TRIM33: variants seen among roughly 807,000 people sequenced by gnomAD.
The protein encoded by TRIM33 is E3 ubiquitin-protein ligase TRIM33.
Under a neutral mutation model 125.4 loss-of-function variants are expected in TRIM33, and 20 were observed. That is an observed-to-expected ratio of 0.16 (90% CI 0.11 to 0.23). TRIM33 has a LOEUF of 0.23. Among genes scored for constraint, TRIM33 ranks in the 10% least tolerant of loss-of-function variants. The pLI is 1.00. For synonymous variants in TRIM33, 564 were observed against 513.9 expected (o/e 1.10, Z -1.32); for missense variants, 920 against 1,411.4 (o/e 0.65, Z 5.58).
At position 114,394,193 on chromosome 1, in the gene TRIM33, C is replaced by T. The variant is rs542318574; in HGVS notation, c.*3455G>A. On this transcript the variant is annotated 3_prime_UTR_variant, in exon 20 of 20. Coordinates refer to ENST00000358465, the MANE Select transcript of TRIM33 (RefSeq NM_015906.4). ...TTTTTTATAAAACTACTCACTGATCCGATGCTGAGTATGCAAATAAGCAGT... is the reference window on the plus strand; with the variant it reads ...TTTTTTATAAAACTACTCACTGATCTGATGCTGAGTATGCAAATAAGCAGT... The T allele has an allele frequency of 2.2e-5, 5 of 228,560 alleles. No homozygotes were observed. The highest frequency in any genetic ancestry group is 3.5e-5 in the Non-Finnish European group (4 of 115,064). 14.2% of individuals were successfully genotyped at this position (228,560 alleles called of 1,614,324 possible).
chr1:114,473,561 G>C (rs866648954), intron 1 of TRIM33, among the ~76,000 whole-genome samples: 1 of 152,096 alleles, frequency 6.6e-6, no homozygotes, highest in Non-Finnish European at 1.5e-5. Flanking sequence ...GAATGAGTCA[G>C]GGCAGAGCAG....
intron 5 of TRIM33, among the ~76,000 whole-genome samples, chr1:114,431,828 G>A (rs1384772980): frequency 1.3e-5 from 2 of 152,106 alleles, no homozygotes; most frequent in African/African-American, 2.4e-5. Context: ...TCTTACTAAG[G>A]TGAGTGGAAG....
intron 4 of TRIM33, among the ~76,000 whole-genome samples, chr1:114,436,929 T>C (rs1056604518): frequency 6.6e-6 from 1 of 152,230 alleles, no homozygotes; most frequent in African/African-American, 2.4e-5. Context: ...GAGGATTCCA[T>C]GTTAACCCTT....
chr1:114,427,975 T>C lies in TRIM33; in HGVS notation c.1156-81A>G, dbSNP rs1245017404. The C allele has an allele frequency of 7.1e-6, 10 of 1,402,882 alleles. No homozygotes were observed. In the Admixed American group the frequency reaches 1.1e-4, roughly 16 times the overall value. The allele number at this position is 1,402,882 out of a possible 1,614,324, so 86.9% of individuals were successfully genotyped here. A position where few individuals can be genotyped will look rare whatever the true frequency, so the allele number is the denominator to read the frequency against. On this transcript the variant is annotated intron_variant, in intron 6 of 19. Coordinates refer to ENST00000358465, the MANE Select transcript of TRIM33 (RefSeq NM_015906.4). ...ACATTTCTAATGCAAATGGGCACAA[T>C]ACCTATACTTCCTTTAAAAATGGGC...
intron 4 of TRIM33, among the ~76,000 whole-genome samples, chr1:114,445,671 GA>G (rs1207678844): frequency 6.6e-6 from 1 of 151,890 alleles, no homozygotes; most frequent in East Asian, 1.9e-4. Context: ...AAAGGCCAAA[GA>G]AAAAGAGGAA....
Position 114,510,591 on chromosome 1 carries a change from G to A in TRIM33, c.486C>T (p.Ser162=), listed in dbSNP as rs1463279995. The change falls in exon 1 of 20, where the codon AGC becomes AGT. Residue 162 remains serine (S), a synonymous_variant. Coordinates refer to ENST00000358465, the MANE Select transcript of TRIM33 (RefSeq NM_015906.4). ...CGTTGCTGCCCCCCGGGATGGGCAC[G>A]CTGAGCTGGCGCTCCGGCTCGGGCA... ...RCLPEPERQL[S]VPIPGGSNGD... 6.5e-7 allele frequency: 1 copy of A among 1,542,734 alleles called. No homozygotes were observed. Among genetic ancestry groups the A allele is most frequent in the Non-Finnish European group, 8.7e-7 (1 of 1,149,524 alleles).
At chr1:114,451,991 A>C (rs893497869) in intron 4 of TRIM33, among the ~76,000 whole-genome samples, 1 of 152,228 alleles carries the variant, frequency 6.6e-6, no homozygotes, top group African/African-American at 2.4e-5. Context: ...GAGGTTTCAC[A>C]TAAGATTCTA....
At position 114,417,935 on chromosome 1, in the gene TRIM33, CG is replaced by C. The variant is rs529290947; in HGVS notation, c.2061+3500del. Among the ~76,000 whole-genome samples the C allele has an allele frequency of 9.2e-5, 14 of 152,266 alleles. 1 individual carries two copies. In the South Asian group the frequency reaches 2.9e-3, roughly 32 times the overall value. On this transcript the variant is annotated intron_variant, in intron 11 of 19. Coordinates refer to ENST00000358465, the MANE Select transcript of TRIM33 (RefSeq NM_015906.4). ...CCTCCCAAAGTGCTGGGATTACAGG[CG>C]TGAGCCACTGCACCCAGCCTAAAAT...
chr1:114,490,826 G>T (rs1176963443), intron 1 of TRIM33: 3 of 152,036 alleles, frequency 2.0e-5, no homozygotes, highest in Non-Finnish European at 4.4e-5. Flanking sequence ...CACTTGACTA[G>T]TTTTTTTAAA....
At chr1:114,475,132 A>AC (rs747634164) in intron 1 of TRIM33, among the ~76,000 whole-genome samples, 5 of 152,056 alleles carry the variant, frequency 3.3e-5, no homozygotes, top group South Asian at 2.1e-4. Flanking sequence ...ACAAAATATG[A>AC]CCCCCCACAA....
chr1:114,446,525 T>C (rs1648987911), intron 4 of TRIM33, among the ~76,000 whole-genome samples: 1 of 152,088 alleles, frequency 6.6e-6, no homozygotes, highest in Admixed American at 6.5e-5. Flanking sequence ...TAAGTTAAAA[T>C]TGCATATCAC....
intron 11 of TRIM33, among the ~76,000 whole-genome samples, chr1:114,414,989 ATTTTTTTTTTTT>A (rs56960865): frequency 9.6e-6 from 1 of 104,702 alleles, no homozygotes; most frequent in Non-Finnish European, 1.9e-5. Context: ...GGTAGATTCT[ATTTTTTTTTTTT>A]TTTTTTTTTT....
chr1:114,451,035 T>G (rs1050772023), intron 4 of TRIM33, among the ~76,000 whole-genome samples: 2 of 152,024 alleles, frequency 1.3e-5, no homozygotes, highest in African/African-American at 4.8e-5. Context: ...GACAGTGAAA[T>G]GAAAAAGCGC....
At chr1:114,468,767 CA>C in intron 1 of TRIM33, 1 of 377,118 alleles carries the variant, frequency 2.7e-6, no homozygotes. Context: ...ATGAAGACAG[CA>C]AAAAAGATGA....
intron 4 of TRIM33, 95 bp from the exon 5 acceptor site, chr1:114,433,828 A>T: frequency 1.3e-6 from 1 of 755,812 alleles, no homozygotes; most frequent in Non-Finnish European, 2.2e-6. Context: ...TTGAAACCTT[A>T]ATTAAGTGAT....
chr1:114,405,345 ATTC>A, intron 15 of TRIM33, 62 bp downstream of exon 15: 1 of 1,301,316 alleles, frequency 7.7e-7, no homozygotes, highest in South Asian at 1.4e-5. Context: ...TGCCCTGAAC[ATTC>A]TTCTGTTATT....
chr1:114,399,041 G>A (rs1651720553), intron 18 of TRIM33, among the ~76,000 whole-genome samples: 1 of 151,720 alleles, frequency 6.6e-6, no homozygotes, highest in Non-Finnish European at 1.5e-5. Flanking sequence ...ATTCAAGATG[G>A]GTCACCAGAG....
rs1028485603 is a variant in TRIM33, at chr1:114,463,398, T to C, written c.790+14A>G. The stretch of plus-strand genomic sequence containing the variant: ...ACTGTAATCATTGTAATGATTACAA[T>C]GCATCTATCTTACCTGAGACATCTT... On this transcript the variant is annotated intron_variant, in intron 3 of 19. Transcript: ENST00000358465. The C allele has an allele frequency of 2.5e-6, 4 of 1,608,792 alleles. No individual in the cohort carries two copies. The highest frequency in any genetic ancestry group is 1.7e-5 in the Admixed American group (1 of 59,090).
At chr1:114,419,233 TGAAAAAGAAAAA>T (rs1015639356) in intron 11 of TRIM33, among the ~76,000 whole-genome samples, 4 of 132,864 alleles carry the variant, frequency 3.0e-5, no homozygotes, top group Non-Finnish European at 6.5e-5. Context: ...AAAGAAAGAA[TGAAAAAGAAAAA>T]GAAAAAGAAA....
Sources: allele counts gnomAD v4.1 joint callset (sites outside exome capture counted in the v4.1 genomes callset), GRCh38; gene constraint gnomAD v4.1.1; transcripts MANE v1.5; gene names NCBI Gene and HGNC (gene_info 2026-07-23, HGNC 2026-07-21).